Variants in NOL12 observed in about 807,000 individuals in gnomAD.
The protein encoded by NOL12 is nucleolar protein 12.
NOL12 carries 21 observed loss-of-function variants against 25.2 expected under a neutral mutation model. The ratio of observed to expected loss-of-function variants is 0.83; its 90% CI spans 0.59 to 1.20. The LOEUF (loss-of-function observed/expected upper bound fraction) is 1.20. Ranked by LOEUF, NOL12 falls within the 50% of genes most tolerant of loss-of-function variation. The pLI is 0.00. For missense variants in NOL12, 286 were observed against 287.6 expected (o/e 0.99, Z 0.04); for synonymous variants, 133 against 113.8 (o/e 1.17, Z -1.08).
chr22:37,688,491 G>A, intron 3 of NOL12, 131 bp downstream of exon 3: 1 of 908,016 alleles, frequency 1.1e-6, no homozygotes. Context: ...GCCAGGGGTG[G>A]TCCTAAGCAC....
intron 3 of NOL12, among the ~76,000 whole-genome samples, chr22:37,688,623 C>T (rs897040813): frequency 6.6e-6 from 1 of 152,150 alleles, no homozygotes; most frequent in Non-Finnish European, 1.5e-5. Flanking sequence ...GGAGGGACAG[C>T]AGTAGCTGTC....
rs144418536 is a variant in NOL12 at position 37,687,441 on chromosome 22, C to T, written c.84-469C>T. Among the ~76,000 whole-genome samples the T allele has an allele frequency of 2.6e-5, 4 of 152,240 alleles. No individual in the cohort carries two copies. The East Asian group carries it at 7.7e-4, about 29-fold the overall frequency. On this transcript the variant is annotated intron_variant, in intron 1 of 5. Transcript: ENST00000359114. ...CATCTGTAAAATGGAGATTGATACCCACCGCACAGGTTATTGTGAGGGTTT... is the reference window on the plus strand; with the variant it reads ...CATCTGTAAAATGGAGATTGATACCTACCGCACAGGTTATTGTGAGGGTTT...
rs1921936235 is a variant in NOL12, at chr22:37,688,830, G to C, written c.239-20G>C. On this transcript the variant is annotated intron_variant, in intron 3 of 5. Coordinates refer to ENST00000359114, the MANE Select transcript of NOL12 (RefSeq NM_024313.3). ...CACTCGTTCCCGTGACTGAGACCAG[G>C]TCTGTGTCCACCCCCACAGAGGAGG... 6.2e-7 allele frequency: 1 copy of C among 1,613,604 alleles called. No homozygotes were observed. The highest frequency in any genetic ancestry group is 1.3e-5 in the African/African-American group (1 of 75,036).
In NOL12 at chr22:37,692,503, C is replaced by G. The variant is rs1922115630; in HGVS notation, c.*1167C>G. 2.5e-6 allele frequency: 1 copy of G among 398,622 alleles called. No homozygotes were observed. The highest frequency in any genetic ancestry group is 2.1e-5 in the African/African-American group (1 of 48,642). 24.7% of individuals were successfully genotyped at this position (398,622 alleles called of 1,614,324 possible). ...ATGGATGAGTTGATGGAAACCCTGT[C>G]CCTTCCTTGTCCCAGCTTGTCAGTC... On this transcript the variant is annotated 3_prime_UTR_variant, in exon 6 of 6. Transcript: ENST00000359114.
intron 3 of NOL12, 30 bp from the exon 4 acceptor site, chr22:37,688,820 C>T (rs1190452791): frequency 1.7e-5 from 27 of 1,613,140 alleles, no homozygotes; most frequent in Admixed American, 1.7e-5. Flanking sequence ...GTTCCCGTGA[C>T]TGAGACCAGG....
intron 2 of NOL12, 67 bp downstream of exon 2, chr22:37,688,082 A>G (rs1217478026): frequency 1.5e-5 from 20 of 1,378,124 alleles, no homozygotes; most frequent in Non-Finnish European, 1.6e-5. Flanking sequence ...GGATTTCCCT[A>G]ATAGAGGCAG....
chr22:37,688,414 C>T (rs1921917957), intron 3 of NOL12, 54 bp downstream of exon 3: 4 of 1,578,296 alleles, frequency 2.5e-6, no homozygotes, highest in Non-Finnish European at 3.5e-6. Flanking sequence ...CTGGTTTATA[C>T]CCTTGGTGGG....
intron 1 of NOL12, 146 bp downstream of exon 1, chr22:37,686,621 G>A: frequency 7.3e-7 from 1 of 1,372,186 alleles, no homozygotes; most frequent in South Asian, 1.7e-5. Context: ...TCCAGCCCGC[G>A]TTCCCGCTTC....
At position 37,686,410 on chromosome 22, in the gene NOL12, G is replaced by C. The variant is rs147768775; in HGVS notation, c.18G>C (p.Lys6Asn). Residue 6 changes from lysine (K) to asparagine (N), a missense_variant, in exon 1 of 6, where the codon AAG (lysine) becomes AAC (asparagine). By Grantham distance (94) the Lys-to-Asn change is moderately conservative. Coordinates refer to ENST00000359114, the MANE Select transcript of NOL12 (RefSeq NM_024313.3). ...TCACTGCTATGGGCCGCAACAAGAA[G>C]AAGAAGCGAGATGGTGACGACCGGC... MGRNKKKKRDGDDRRP... is the reference protein window; with the variant it reads MGRNKNKKRDGDDRRP... 6.2e-6 allele frequency: 10 copies of C among 1,605,550 alleles called. No homozygotes were observed. In the Admixed American group the frequency reaches 6.8e-5, roughly 11 times the overall value.
rs1922101145 is a variant in NOL12, at chr22:37,692,194, T to A, written c.*858T>A. 1.2e-5 allele frequency: 3 copies of A among 241,860 alleles called. No homozygotes were observed. The highest frequency in any genetic ancestry group is 2.4e-5 in the Non-Finnish European group (3 of 127,112). The allele number at this position is 241,860 out of a possible 1,614,324, so 15.0% of individuals were successfully genotyped here. ...CAACATGGTGAAACCCTGTCTCTAC[T>A]AAAAATGCAAAAATTAGCCAGGTGT... On this transcript the variant is annotated 3_prime_UTR_variant, in exon 6 of 6. Coordinates refer to ENST00000359114, the MANE Select transcript of NOL12 (RefSeq NM_024313.3).
intron 1 of NOL12, 85 bp from the exon 2 acceptor site, chr22:37,687,825 G>C: frequency 3.1e-6 from 3 of 970,568 alleles, no homozygotes; most frequent in African/African-American, 3.2e-5. Context: ...CATAGTGAGC[G>C]CGGCATTAGC....
chr22:37,692,947 T>C lies in NOL12; in HGVS notation c.*1611T>C, dbSNP rs1569026093. On this transcript the variant is annotated 3_prime_UTR_variant, in exon 6 of 6. Transcript: ENST00000359114. ...GGGTATGGTGAGTTCCCCTCAGGGA[T>C]TGTGCTGAGCGCCTTGGCCTGGCTT... 2.6e-6 allele frequency: 1 copy of C among 378,168 alleles called. No homozygotes were observed. Among genetic ancestry groups the C allele is most frequent in the Non-Finnish European group, 4.7e-6 (1 of 213,176 alleles). 23.4% of individuals were successfully genotyped at this position (378,168 alleles called of 1,614,324 possible). A position where few individuals can be genotyped will look rare whatever the true frequency, so the allele number is the denominator to read the frequency against.
chr22:37,690,786 C>G lies in NOL12; in HGVS notation c.471C>G (p.Leu157=), dbSNP rs1922029188. The G allele has an allele frequency of 6.2e-7, 1 of 1,612,836 alleles. No individual in the cohort carries two copies. The highest frequency in any genetic ancestry group is 1.1e-5 in the South Asian group (1 of 91,054). The part of the protein sequence containing the change: ...ALPRKSRDPL[L]SQRISSLTAS... ...CCAGGAAGTCCAGAGACCCCCTGCT[C>G]TCTCAGCGGTGAGTCTTGGCCTGCT... Residue 157 remains leucine, a synonymous_variant, in exon 5 of 6, where the codon CTC becomes CTG. Coordinates refer to ENST00000359114, the MANE Select transcript of NOL12 (RefSeq NM_024313.3).
chr22:37,686,347 C>T lies in NOL12; in HGVS notation c.-46C>T, dbSNP rs1181974929. ...TGCGCCCGGGAGGATGAGTACGCTACACCCGGAAGTGTCTTCAGGGAGAGG... is the reference window on the plus strand; with the variant it reads ...TGCGCCCGGGAGGATGAGTACGCTATACCCGGAAGTGTCTTCAGGGAGAGG... On this transcript the variant is annotated 5_prime_UTR_variant, in exon 1 of 6. Transcript: ENST00000359114. The T allele has an allele frequency of 2.6e-6, 4 of 1,553,168 alleles. No homozygotes were observed. The Admixed American group carries it at 6.2e-5, about 24-fold the overall frequency.
intron 1 of NOL12, chr22:37,686,705 C>T (rs1327270206): frequency 1.2e-5 from 12 of 985,334 alleles, no homozygotes; most frequent in Non-Finnish European, 1.4e-5. Flanking sequence ...GCCAGATAGC[C>T]GGAAGCTCGG....
At position 37,687,917 on chromosome 22, in the gene NOL12, C is replaced by T. The variant is rs1921894143; in HGVS notation, c.91C>T (p.Leu31=). The T allele has an allele frequency of 2.2e-5, 35 of 1,572,952 alleles. No individual in the cohort carries two copies. Among genetic ancestry groups the T allele is most frequent in the Non-Finnish European group, 3.0e-5 (35 of 1,159,352 alleles). ...SFDEEKRREY[L]TGFHKRKVER... Reference sequence around the variant, plus strand: ...CCGGCTTCCTTCCTGTAGGGAGTACCTGACAGGCTTCCACAAGCGGAAGGT... The same window carrying T: ...CCGGCTTCCTTCCTGTAGGGAGTACTTGACAGGCTTCCACAAGCGGAAGGT... The change falls in exon 2 of 6, where the codon CTG becomes TTG. Residue 31 remains leucine (L), a synonymous_variant. Transcript: ENST00000359114.
chr22:37,688,737 A>G (rs1056145041), intron 3 of NOL12, 113 bp from the exon 4 acceptor site: 1 of 1,063,364 alleles, frequency 9.4e-7, no homozygotes, highest in Non-Finnish European at 1.4e-6. Flanking sequence ...GACCTTGTGG[A>G]TGCGCTCCAC....
intron 1 of NOL12, 120 bp from the exon 2 acceptor site, chr22:37,687,788 TAC>T (rs1921887139): frequency 1.5e-6 from 1 of 686,574 alleles, no homozygotes; most frequent in South Asian, 1.7e-5. Flanking sequence ...AGCTAATACT[TAC>T]ACTTTTTTGG....
chr22:37,686,455 C>T lies in NOL12; in HGVS notation c.63C>T (p.Ser21=), dbSNP rs1459228519. The T allele has an allele frequency of 1.1e-5, 18 of 1,603,950 alleles. No homozygotes were observed. The highest frequency in any genetic ancestry group is 1.4e-5 in the Non-Finnish European group (16 of 1,176,258). The change falls in exon 1 of 6, where the codon AGC becomes AGT. Residue 21 remains serine, a synonymous_variant. Coordinates refer to ENST00000359114, the MANE Select transcript of NOL12 (RefSeq NM_024313.3). ...GDDRRPRLVL[S]FDEEKRREYL... ...ACCGGCGGCCGAGGCTCGTTCTTAG[C>T]TTCGACGAGGAGAAGAGGCGGTGAG...
Sources: gnomAD v4.1 joint callset for allele counts (sites outside exome capture counted in the v4.1 genomes callset) on GRCh38, gnomAD v4.1.1 for gene constraint, MANE v1.5 for transcripts, NCBI Gene and HGNC (gene_info 2026-07-23, HGNC 2026-07-21) for gene names.